The following RGS6 variants were observed in gnomAD, a reference collection of about 807,000 sequenced individuals.
RGS6 encodes the protein regulator of G protein signaling 6.
RGS6 carries 30 observed loss-of-function variants against 78.5 expected under a neutral mutation model. That is an observed-to-expected ratio of 0.38 (90% CI 0.29 to 0.52). RGS6 has a LOEUF of 0.52. RGS6 is among the 20% of genes least tolerant of loss of function. The pLI, the probability that RGS6 is intolerant of heterozygous loss-of-function variation, is 0.85. For missense variants in RGS6, 495 were observed against 609.7 expected (o/e 0.81, Z 1.98); for synonymous variants, 206 against 206.0 (o/e 1.00, Z 0.00).
chr14:72,249,625 A>G (rs2055105002), intron 2 of RGS6, among the ~76,000 whole-genome samples: 1 of 152,202 alleles, frequency 6.6e-6, no homozygotes, highest in Non-Finnish European at 1.5e-5. Flanking sequence ...ATTTATTTTC[A>G]TCCTACAATG....
At chr14:72,028,833 A>T (rs997914195) in intron 2 of RGS6, among the ~76,000 whole-genome samples, 1 of 152,206 alleles carries the variant, frequency 6.6e-6, no homozygotes, top group Non-Finnish European at 1.5e-5. Context: ...CTGTCTAGGG[A>T]CTGCAAAGTA....
chr14:71,889,229 G>A, the RGS6 span, among the ~76,000 whole-genome samples: 44 of 152,216 alleles, frequency 2.9e-4, no homozygotes, highest in African/African-American at 8.7e-4. Context: ...TGTGTTTGAC[G>A]TAGGAGGAAG....
In RGS6 at chr14:72,193,379, A is replaced by G. The variant is rs183122735; in HGVS notation, c.85-158716A>G. ...GCATTAGTAGCAACTGCTCCCTCTA[A>G]TGGGAGGACACATCCCTTCCCCATA... On this transcript the variant is annotated intron_variant, in intron 2 of 17. Transcript: ENST00000553525. Among the ~76,000 whole-genome samples, 209 of 152,278 alleles carry G rather than the reference A, an allele frequency of 1.4e-3. 3 individuals carry two copies. The highest frequency in any genetic ancestry group is 0.012 in the Admixed American group (191 of 15,296).
chr14:72,629,481 AG>A, the RGS6 span: 20 of 672,104 alleles, frequency 3.0e-5, no homozygotes, highest in Non-Finnish European at 4.5e-5. Context: ...TGAGCCCTCA[AG>A]GGCTAATGGC....
chr14:71,890,492 G>A, the RGS6 span, among the ~76,000 whole-genome samples: 1 of 152,082 alleles, frequency 6.6e-6, no homozygotes, highest in Admixed American at 6.6e-5. Flanking sequence ...ACTGTCAGAT[G>A]CTTTTGATGA....
At chr14:72,050,224 T>G (rs770272518) in intron 2 of RGS6, among the ~76,000 whole-genome samples, 3 of 152,228 alleles carry the variant, frequency 2.0e-5, no homozygotes, top group Non-Finnish European at 4.4e-5. Flanking sequence ...TTACAGCTAG[T>G]ATGGTGACAA....
intron 2 of RGS6, among the ~76,000 whole-genome samples, chr14:71,999,482 A>G (rs1429394122): frequency 6.6e-6 from 1 of 152,232 alleles, no homozygotes; most frequent in Non-Finnish European, 1.5e-5. Flanking sequence ...TAACTCTAAC[A>G]GGTGGAGATG....
intron 2 of RGS6, among the ~76,000 whole-genome samples, chr14:72,223,224 C>T (rs2238235): frequency 0.067 from 10,200 of 152,214 alleles, 499 homozygotes; most frequent in East Asian, 0.31. Flanking sequence ...GTTTTAATAA[C>T]ACAACCTGGC....
At chr14:72,266,483 A>G (rs901319528) in intron 2 of RGS6, among the ~76,000 whole-genome samples, 1 of 152,204 alleles carries the variant, frequency 6.6e-6, no homozygotes, top group Admixed American at 6.5e-5. Flanking sequence ...TGCCACCACT[A>G]TTAATCTTCC....
chr14:71,876,664 A>G, the RGS6 span, among the ~76,000 whole-genome samples: 18 of 151,894 alleles, frequency 1.2e-4, no homozygotes, highest in Non-Finnish European at 2.1e-4. Context: ...TGGAGCATTT[A>G]GCCCATTTAC....
intron 2 of RGS6, among the ~76,000 whole-genome samples, chr14:72,322,791 C>A (rs1299214573): frequency 2.6e-5 from 4 of 152,070 alleles, no homozygotes; most frequent in African/African-American, 9.7e-5. Context: ...TTAAGAATCA[C>A]TTTATCATCT....
intron 17 of RGS6, among the ~76,000 whole-genome samples, chr14:72,553,795 C>G (rs1251446875): frequency 6.6e-6 from 1 of 152,194 alleles, no homozygotes; most frequent in African/African-American, 2.4e-5. Flanking sequence ...ATAACTCTTC[C>G]TCTGTGGGCC....
At chr14:72,459,843 G>A (rs1439726748) in intron 6 of RGS6, among the ~76,000 whole-genome samples, 160 bp downstream of exon 6, 1 of 152,150 alleles carries the variant, frequency 6.6e-6, no homozygotes, top group Admixed American at 6.5e-5. Flanking sequence ...CAAATCTCCT[G>A]TTCCACATAA....
chr14:72,415,432 G>A (rs374187638), intron 3 of RGS6, among the ~76,000 whole-genome samples: 12 of 152,232 alleles, frequency 7.9e-5, no homozygotes, highest in Admixed American at 3.9e-4. Context: ...TCTGGGTTCC[G>A]TCTGTCACCC....
At chr14:72,185,945 A>G (rs1470809236) in intron 2 of RGS6, among the ~76,000 whole-genome samples, 1 of 152,238 alleles carries the variant, frequency 6.6e-6, no homozygotes, top group Admixed American at 6.5e-5. Flanking sequence ...AAAAAATTAT[A>G]ATTCGTACAT....
intron 2 of RGS6, among the ~76,000 whole-genome samples, chr14:72,092,972 C>T (rs1015992566): frequency 1.3e-5 from 2 of 151,998 alleles, no homozygotes; most frequent in African/African-American, 4.8e-5. Context: ...TCTCTGGATC[C>T]TCCACAGCAA....
the RGS6 span, among the ~76,000 whole-genome samples, chr14:71,890,295 G>T: frequency 1.3e-5 from 2 of 151,590 alleles, no homozygotes; most frequent in Non-Finnish European, 2.9e-5. Context: ...AATGACAGCC[G>T]GTAGGATTAG....
In RGS6 at chr14:72,000,440, C is replaced by T. The variant is rs543268933; in HGVS notation, c.84+35565C>T. ...GATATGAGGTGCTGAGGGGCAGAAA[C>T]GGAAATATGGAGTAGGCGATTGGAA... On this transcript the variant is annotated intron_variant, in intron 2 of 17. Transcript: ENST00000553525. Among the ~76,000 whole-genome samples the T allele has an allele frequency of 5.3e-5, 8 of 152,210 alleles. No individual in the cohort carries two copies. The East Asian group carries it at 5.8e-4, about 11-fold the overall frequency.
intron 2 of RGS6, among the ~76,000 whole-genome samples, chr14:71,982,384 G>C (rs1272175550): frequency 1.3e-5 from 2 of 152,168 alleles, no homozygotes; most frequent in African/African-American, 4.8e-5. Context: ...ACGGCTCTAG[G>C]ACAATGTTAC....
Sources: gnomAD v4.1 joint callset for allele counts (sites outside exome capture counted in the v4.1 genomes callset) on GRCh38, gnomAD v4.1.1 for gene constraint, MANE v1.5 for transcripts, NCBI Gene and HGNC (gene_info 2026-07-23, HGNC 2026-07-21) for gene names.